Variants in EDA observed in about 807,000 individuals in gnomAD.
EDA encodes ectodysplasin A.
A neutral mutation model predicts 23.6 loss-of-function variants in EDA; 2 were observed. The observed-to-expected ratio is 0.08, with a 90% CI of 0.03 to 0.27. The LOEUF (loss-of-function observed/expected upper bound fraction) is 0.27. Ranked by LOEUF, EDA falls within the 10% of genes least tolerant of loss-of-function variation. The pLI is 1.00. For synonymous variants in EDA, 131 were observed against 132.0 expected, an observed-to-expected ratio of 0.99 and a Z score of 0.05; for missense variants, 229 against 324.2, an observed-to-expected ratio of 0.71 and a Z score of 2.26.
chrX:69,824,513 G>T (rs1352164213), intron 1 of EDA, among the ~76,000 whole-genome samples: 1 of 110,284 alleles, frequency 9.1e-6, no homozygotes, highest in Non-Finnish European at 1.9e-5. Flanking sequence ...TGCTGTTGGT[G>T]TATAAGAATG....
intron 1 of EDA, among the ~76,000 whole-genome samples, chrX:69,859,750 A>G (rs1406156927): frequency 1.8e-5 from 2 of 111,498 alleles, no homozygotes; most frequent in Admixed American, 9.6e-5. Context: ...CATATGATCC[A>G]TTGCTGAGTT....
At chrX:69,746,924 G>T (rs1325946217) in intron 1 of EDA, among the ~76,000 whole-genome samples, 1 of 111,050 alleles carries the variant, frequency 9.0e-6, no homozygotes, top group Admixed American at 9.6e-5. Context: ...ACTTTAGGAA[G>T]GCCCAAGTTT....
At chrX:69,662,262 T>C (rs1330523026) in intron 1 of EDA, among the ~76,000 whole-genome samples, 1 of 111,920 alleles carries the variant, frequency 8.9e-6, no homozygotes, top group African/African-American at 3.3e-5. Flanking sequence ...TCATCTTGAA[T>C]TGTAGCTCCC....
chrX:69,773,913 TA>T lies in EDA; in HGVS notation c.396+157210del, dbSNP rs1196706418. On this transcript the variant is annotated intron_variant, in intron 1 of 7. Transcript: ENST00000374552. ...AGTTTTTAGTTTTGTGGGTGCTGGATATTTTTTTATTCCATAAATAATCTTT... is the reference window on the plus strand; with the variant it reads ...AGTTTTTAGTTTTGTGGGTGCTGGATTTTTTTTATTCCATAAATAATCTTT... 7.9e-4 allele frequency among the ~76,000 whole-genome samples: 89 copies of T among 112,101 alleles called. 1 individual carries two copies. The highest frequency in any genetic ancestry group is 2.8e-3 in the African/African-American group (86 of 30,915).
intron 1 of EDA, among the ~76,000 whole-genome samples, chrX:69,839,315 A>G (rs2016846796): frequency 9.0e-6 from 1 of 111,681 alleles, no homozygotes; most frequent in African/African-American, 3.3e-5. Context: ...CTACACCCAC[A>G]GTTGAACTTT....
intron 2 of EDA, among the ~76,000 whole-genome samples, chrX:69,982,427 T>C (rs925991134): frequency 3.6e-5 from 4 of 111,016 alleles, no homozygotes; most frequent in Non-Finnish European, 3.8e-5. Context: ...GGTTTAACAC[T>C]CCACACATTT....
intron 1 of EDA, among the ~76,000 whole-genome samples, chrX:69,952,974 C>T (rs983594721): frequency 2.7e-5 from 3 of 111,428 alleles, no homozygotes; most frequent in African/African-American, 9.8e-5. Flanking sequence ...TTCAAAATAT[C>T]TTTTCCTAGA....
chrX:69,995,779 GTTGTTT>G (rs775812688), intron 2 of EDA, among the ~76,000 whole-genome samples: 8 of 112,322 alleles, frequency 7.1e-5, no homozygotes, highest in East Asian at 2.8e-4. Flanking sequence ...TTTTGTTGTT[GTTGTTT>G]TTGTTTTTGT....
At chrX:69,689,154 G>C (rs1376705700) in intron 1 of EDA, among the ~76,000 whole-genome samples, 1 of 111,232 alleles carries the variant, frequency 9.0e-6, no homozygotes, top group Non-Finnish European at 1.9e-5. Context: ...TAATTACTTT[G>C]TAGCTTTGTT....
At chrX:69,741,325 TACC>T (rs1218427415) in intron 1 of EDA, among the ~76,000 whole-genome samples, 1 of 111,654 alleles carries the variant, frequency 9.0e-6, no homozygotes, top group Non-Finnish European at 1.9e-5. Context: ...GGATAATATT[TACC>T]ACCAACACCC....
At chrX:69,640,919 C>T (rs1932832726) in intron 1 of EDA, among the ~76,000 whole-genome samples, 1 of 111,438 alleles carries the variant, frequency 9.0e-6, no homozygotes. Flanking sequence ...ATATTATCCC[C>T]ATTTTACAGA....
chrX:69,895,649 T>C (rs1361751242), intron 1 of EDA, among the ~76,000 whole-genome samples: 1 of 111,785 alleles, frequency 8.9e-6, no homozygotes, highest in Non-Finnish European at 1.9e-5. Context: ...TTCACCCTGA[T>C]TTCTCTTCAT....
At chrX:69,872,347 A>G (rs1460647681) in intron 1 of EDA, among the ~76,000 whole-genome samples, 1 of 112,074 alleles carries the variant, frequency 8.9e-6, no homozygotes, top group Non-Finnish European at 1.9e-5. Flanking sequence ...AAACAAAAAA[A>G]CAAAGTATTC....
intron 1 of EDA, among the ~76,000 whole-genome samples, chrX:69,713,898 G>A (rs1438760264): frequency 1.0e-5 from 1 of 100,178 alleles, no homozygotes; most frequent in Non-Finnish European, 2.0e-5. Flanking sequence ...TCCAGTTGCT[G>A]GGTCGTATTA....
intron 1 of EDA, among the ~76,000 whole-genome samples, chrX:69,787,912 A>G (rs1204069125): frequency 9.0e-6 from 1 of 111,719 alleles, no homozygotes; most frequent in Non-Finnish European, 1.9e-5. Context: ...CATTCTCCCC[A>G]TCACTTTCAG....
At chrX:69,624,210 C>T (rs901064482) in intron 1 of EDA, among the ~76,000 whole-genome samples, 1 of 111,871 alleles carries the variant, frequency 8.9e-6, no homozygotes, top group African/African-American at 3.2e-5. Flanking sequence ...CCTTTAAACT[C>T]ACTCATTGAG....
intron 1 of EDA, among the ~76,000 whole-genome samples, chrX:69,856,061 C>T (rs1183345785): frequency 1.8e-5 from 2 of 110,276 alleles, no homozygotes; most frequent in Non-Finnish European, 3.8e-5. Context: ...CACTTCCCCT[C>T]AAGTCCCCAA....
At chrX:70,029,339 A>G (rs2020167068) in intron 4 of EDA, among the ~76,000 whole-genome samples, 165 bp from the exon 5 acceptor site, 1 of 112,479 alleles carries the variant, frequency 8.9e-6, no homozygotes, top group South Asian at 3.7e-4. Flanking sequence ...AGGGCAGGAA[A>G]CAGAAGGGGT....
intron 1 of EDA, among the ~76,000 whole-genome samples, chrX:69,868,724 G>A (rs1390838604): frequency 2.7e-5 from 3 of 112,140 alleles, no homozygotes; most frequent in East Asian, 2.8e-4. Flanking sequence ...GTATATTGCC[G>A]GCCTTGCCAG....
Sources: allele counts gnomAD v4.1 joint callset (sites outside exome capture counted in the v4.1 genomes callset), GRCh38; gene constraint gnomAD v4.1.1; transcripts MANE v1.5; gene names NCBI Gene and HGNC (gene_info 2026-07-23, HGNC 2026-07-21).